Variants in RUFY3 observed in about 807,000 individuals in gnomAD.
RUFY3 encodes the protein RUN and FYVE domain containing 3, also known as protein RUFY3.
A neutral mutation model predicts 84.0 loss-of-function variants in RUFY3; 34 were observed. The ratio of observed to expected loss-of-function variants is 0.40; its 90% CI spans 0.31 to 0.54. The LOEUF (loss-of-function observed/expected upper bound fraction) is 0.54, where lower values mean the gene tolerates loss of function less well. RUFY3 is among the 20% of genes least tolerant of loss of function. The pLI, the probability that RUFY3 is intolerant of heterozygous loss-of-function variation, is 0.39. For missense variants in RUFY3, 507 were observed against 736.8 expected (o/e 0.69, Z 3.61); for synonymous variants, 242 against 252.9 (o/e 0.96, Z 0.41).
chr4:70,804,761 CAA>C (rs1186156048), intron 17 of RUFY3, among the ~76,000 whole-genome samples: 3,305 of 76,836 alleles, frequency 0.043, 47 homozygotes, highest in Middle Eastern at 0.085. Context: ...ACTAAAAATA[CAA>C]AAAAAAAAAA....
chr4:70,705,559 G>A (rs548338877), intron 1 of RUFY3, among the ~76,000 whole-genome samples: 1 of 152,270 alleles, frequency 6.6e-6, no homozygotes, highest in Non-Finnish European at 1.5e-5. Flanking sequence ...TCTCTCTCCC[G>A]TCTTGGGCTG....
chr4:70,731,900 G>A (rs916705621), intron 1 of RUFY3, among the ~76,000 whole-genome samples: 1 of 152,178 alleles, frequency 6.6e-6, no homozygotes, highest in African/African-American at 2.4e-5. Flanking sequence ...TAATGTTCAC[G>A]ATTATGGATT....
intron 1 of RUFY3, among the ~76,000 whole-genome samples, chr4:70,745,914 G>A (rs10021270): frequency 0.083 from 12,634 of 151,904 alleles, 1,057 homozygotes; most frequent in African/African-American, 0.21. Context: ...GACAAAACCC[G>A]TCTCTACTAA....
Position 70,735,424 on chromosome 4 carries a change from A to G in RUFY3, c.178+12673A>G, listed in dbSNP as rs116569236. 3.0e-3 allele frequency among the ~76,000 whole-genome samples: 459 copies of G among 152,356 alleles called. 3 individuals are homozygous for G. Among genetic ancestry groups the G allele is most frequent in the African/African-American group, 0.011 (444 of 41,584 alleles). On this transcript the variant is annotated intron_variant, in intron 1 of 17. Transcript: ENST00000381006. ...ATAGAAGGATTTGATGAGCTTAGAAATACATGTGTAGAGGAACAGTGAAAA... is the reference window on the plus strand; with the variant it reads ...ATAGAAGGATTTGATGAGCTTAGAAGTACATGTGTAGAGGAACAGTGAAAA...
At chr4:70,720,827 T>A (rs1476236981), upstream of RUFY3, among the ~76,000 whole-genome samples, 1 of 151,938 alleles carries the variant, frequency 6.6e-6, no homozygotes, top group Admixed American at 6.6e-5. Flanking sequence ...ATGTAGTTCA[T>A]AAAGCAAGTA....
At chr4:70,719,163 G>A (rs571230813), upstream of RUFY3, among the ~76,000 whole-genome samples, 137 of 152,274 alleles carry the variant, frequency 9.0e-4, 1 homozygote, top group African/African-American at 3.1e-3. Context: ...GCCCACCCCC[G>A]GGTCTTATTT....
In RUFY3 at chr4:70,704,909, G is replaced by A. The variant is rs536262596; in HGVS notation, c.-28G>A. ...CCCCGCCCAGGCCCGGGCGCGAATCGGAGGCTGCGGCGAAGGAAGGAGTGA... is the reference window on the plus strand; with the variant it reads ...CCCCGCCCAGGCCCGGGCGCGAATCAGAGGCTGCGGCGAAGGAAGGAGTGA... On this transcript the variant is annotated 5_prime_UTR_variant, in exon 1 of 12. Transcript: ENST00000417478. The A allele has an allele frequency of 8.5e-4, 1,026 of 1,203,846 alleles. 8 individuals carry two copies. In the African/African-American group the frequency reaches 0.014, roughly 16 times the overall value. 74.6% of individuals were successfully genotyped at this position (1,203,846 alleles called of 1,614,324 possible).
chr4:70,807,536 C>G lies in RUFY3; in HGVS notation c.*877C>G, dbSNP rs568963112. On this transcript the variant is annotated 3_prime_UTR_variant, in exon 18 of 18. Transcript: ENST00000381006. ...GAGTAAAATAAGTTTAATTTGTTTT[C>G]TTAAGACAGGGTCTTGCTCTGTTGC... is the stretch of plus-strand genomic sequence containing the variant. Among the ~76,000 whole-genome samples the G allele has an allele frequency of 4.6e-5, 7 of 152,230 alleles. No homozygotes were observed. Among genetic ancestry groups the G allele is most frequent in the African/African-American group, 1.4e-4 (6 of 41,548 alleles).
At chr4:70,743,252 A>T (rs940858512) in intron 1 of RUFY3, among the ~76,000 whole-genome samples, 1 of 151,998 alleles carries the variant, frequency 6.6e-6, no homozygotes, top group Admixed American at 6.6e-5. Context: ...TTGTGTTTTT[A>T]GTAGAGACGG....
chr4:70,800,427 C>G (rs75931366), intron 15 of RUFY3, among the ~76,000 whole-genome samples: 9,018 of 152,274 alleles, frequency 0.059, 359 homozygotes, highest in East Asian at 0.1. Context: ...ATCAGGCTGT[C>G]CTCTCTTCCC....
intron 1 of RUFY3, among the ~76,000 whole-genome samples, chr4:70,749,075 T>C (rs1385052717): frequency 1.3e-5 from 2 of 152,220 alleles, no homozygotes; most frequent in Non-Finnish European, 2.9e-5. Flanking sequence ...TTCTTTTCTT[T>C]TCTTTTCTTT....
At chr4:70,795,076 G>C (rs2148810574) in intron 14 of RUFY3, among the ~76,000 whole-genome samples, 182 bp downstream of exon 14, 1 of 152,132 alleles carries the variant, frequency 6.6e-6, no homozygotes, top group South Asian at 2.1e-4. Context: ...TCTGCCTCTA[G>C]GATACTTTCT....
chr4:70,705,558 C>A (rs1230643770), intron 1 of RUFY3, among the ~76,000 whole-genome samples: 1 of 152,172 alleles, frequency 6.6e-6, no homozygotes, highest in East Asian at 1.9e-4. Flanking sequence ...GTCTCTCTCC[C>A]GTCTTGGGCT....
At chr4:70,706,964 A>G (rs1293680459) in intron 1 of RUFY3, among the ~76,000 whole-genome samples, 1 of 152,254 alleles carries the variant, frequency 6.6e-6, no homozygotes, top group East Asian at 1.9e-4. Flanking sequence ...ATGCTACTAT[A>G]GAAAGAAGAC....
chr4:70,728,532 GAC>G (rs1718685805), intron 1 of RUFY3, among the ~76,000 whole-genome samples: 1 of 152,202 alleles, frequency 6.6e-6, no homozygotes, highest in African/African-American at 2.4e-5. Context: ...TAGCCTAAAA[GAC>G]AGCAGTAGTA....
intron 17 of RUFY3, among the ~76,000 whole-genome samples, chr4:70,805,995 G>T (rs1732794411): frequency 6.6e-6 from 1 of 152,204 alleles, no homozygotes; most frequent in African/African-American, 2.4e-5. Flanking sequence ...ACAAGATGCA[G>T]GAAGCTGTGC....
intron 1 of RUFY3, among the ~76,000 whole-genome samples, chr4:70,706,605 G>A (rs576773876): frequency 1.7e-4 from 26 of 152,324 alleles, no homozygotes; most frequent in African/African-American, 5.1e-4. Flanking sequence ...AACTGTGATG[G>A]TGGGTGACAG....
chr4:70,748,126 G>A (rs567118588), intron 1 of RUFY3, among the ~76,000 whole-genome samples: 57 of 152,208 alleles, frequency 3.7e-4, no homozygotes, highest in African/African-American at 1.3e-3. Flanking sequence ...AATCTTCTCA[G>A]ATTAGTCATC....
chr4:70,785,545 C>T (rs940247242), intron 10 of RUFY3, among the ~76,000 whole-genome samples: 6 of 151,814 alleles, frequency 4.0e-5, no homozygotes, highest in Admixed American at 6.6e-5. Flanking sequence ...AATTAAAAAT[C>T]GGGCCAGGCA....
Sources: allele counts gnomAD v4.1 joint callset (sites outside exome capture counted in the v4.1 genomes callset), GRCh38; gene constraint gnomAD v4.1.1; transcripts MANE v1.5; gene names NCBI Gene and HGNC (gene_info 2026-07-23, HGNC 2026-07-21).